The following UNC45B variants were observed in gnomAD, a reference collection of about 807,000 sequenced individuals.
The protein encoded by UNC45B is protein unc-45 homolog B.
Under a neutral mutation model 98.7 loss-of-function variants are expected in UNC45B, and 78 were observed. The observed-to-expected ratio is 0.79, with a 90% CI of 0.66 to 0.95. The LOEUF (loss-of-function observed/expected upper bound fraction) is 0.95. UNC45B is among the 40% of genes least tolerant of loss of function. The pLI, the probability that UNC45B is intolerant of heterozygous loss-of-function variation, is 0.00. For missense variants in UNC45B, 1,225 were observed against 1,184.9 expected (o/e 1.03, Z -0.50); for synonymous variants, 462 against 480.4 (o/e 0.96, Z 0.50).
chr17:35,157,234 T>C (rs994906833), intron 7 of UNC45B, among the ~76,000 whole-genome samples: 5 of 151,898 alleles, frequency 3.3e-5, no homozygotes, highest in Non-Finnish European at 1.5e-5. Flanking sequence ...TTTTTATTTA[T>C]TTATATTTAT....
intron 13 of UNC45B, among the ~76,000 whole-genome samples, chr17:35,172,663 C>T (rs563838806): frequency 6.6e-6 from 1 of 152,280 alleles, no homozygotes; most frequent in Non-Finnish European, 1.5e-5. Flanking sequence ...TTGTCAGCCC[C>T]TTCCCCACCA....
chr17:35,183,901 G>C (rs2092288493), intron 19 of UNC45B, among the ~76,000 whole-genome samples: 1 of 152,196 alleles, frequency 6.6e-6, no homozygotes, highest in Admixed American at 6.5e-5. Flanking sequence ...AGCTTCCCAA[G>C]AGAAGCACGG....
chr17:35,154,424 T>C, intron 5 of UNC45B, 150 bp from the exon 6 acceptor site: 6 of 689,120 alleles, frequency 8.7e-6, no homozygotes, highest in Non-Finnish European at 1.4e-5. Context: ...TCTTGGGCTG[T>C]GTTTCCAGGA....
intron 5 of UNC45B, among the ~76,000 whole-genome samples, chr17:35,154,115 C>T (rs969204742): frequency 2.0e-5 from 3 of 152,138 alleles, no homozygotes; most frequent in Non-Finnish European, 4.4e-5. Context: ...GTTTTTGCTG[C>T]TCACTTCCTG....
intron 8 of UNC45B, among the ~76,000 whole-genome samples, chr17:35,160,706 G>C (rs1334705776): frequency 1.3e-5 from 2 of 152,226 alleles, no homozygotes; most frequent in East Asian, 3.9e-4. Context: ...CCAAAGTGCT[G>C]GAATTACAGG....
intron 18 of UNC45B, among the ~76,000 whole-genome samples, chr17:35,181,857 T>C (rs1174359717): frequency 1.3e-5 from 2 of 150,054 alleles, no homozygotes; most frequent in Non-Finnish European, 3.0e-5. Flanking sequence ...ACCAGGGAAC[T>C]GGCCTAAGGC....
intron 17 of UNC45B, among the ~76,000 whole-genome samples, chr17:35,178,499 T>G (rs1331467734): frequency 6.6e-6 from 1 of 152,230 alleles, no homozygotes; most frequent in Admixed American, 6.5e-5. Context: ...GCCTGTTCAT[T>G]CTGATGATAG....
intron 8 of UNC45B, among the ~76,000 whole-genome samples, chr17:35,163,256 T>C (rs1238400223): frequency 2.6e-5 from 4 of 152,242 alleles, no homozygotes; most frequent in East Asian, 1.9e-4. Context: ...GTTACCCTTC[T>C]ATACTTATCA....
In UNC45B at chr17:35,168,240, C is replaced by A; in HGVS notation, c.1331C>A (p.Ala444Asp). 6.3e-7 allele frequency: 1 copy of A among 1,585,720 alleles called. No individual in the cohort carries two copies. Among genetic ancestry groups the A allele is most frequent in the Non-Finnish European group, 8.6e-7 (1 of 1,165,414 alleles). Residue 444 changes from alanine to aspartate, a missense_variant, in exon 10 of 20, where the codon GCC becomes GAC. By Grantham distance (126) the Ala-to-Asp change is moderately radical. Coordinates refer to ENST00000394570, the MANE Select transcript of UNC45B (RefSeq NM_001267052.2). ...RETDQLVAVEALIHASTKLSR... is the reference protein window; with the variant it reads ...RETDQLVAVEDLIHASTKLSR... The stretch of plus-strand genomic sequence containing the variant: ...ACGGACCAGCTGGTGGCCGTGGAGG[C>A]CCTCATCCATGCCTCCACGAAGCTC...
intron 8 of UNC45B, among the ~76,000 whole-genome samples, chr17:35,163,152 T>G (rs1235352389): frequency 6.6e-6 from 1 of 152,250 alleles, no homozygotes; most frequent in African/African-American, 2.4e-5. Context: ...TAGGATTAGA[T>G]GAAGTGAATG....
chr17:35,155,157 C>G, intron 6 of UNC45B, 139 bp from the exon 7 acceptor site: 1 of 1,023,566 alleles, frequency 9.8e-7, no homozygotes, highest in South Asian at 1.7e-5. Context: ...ACAGAGGGGC[C>G]CATGAGGCAA....
chr17:35,148,774 C>T (rs1306192693), intron 2 of UNC45B, among the ~76,000 whole-genome samples, 199 bp from the exon 3 acceptor site: 1 of 152,142 alleles, frequency 6.6e-6, no homozygotes, highest in Non-Finnish European at 1.5e-5. Flanking sequence ...CAAGTAGTAG[C>T]AGAGCCGAGA....
At chr17:35,164,889 ATT>A (rs570883756) in intron 9 of UNC45B, among the ~76,000 whole-genome samples, 3 of 142,834 alleles carry the variant, frequency 2.1e-5, no homozygotes, top group African/African-American at 7.7e-5. Context: ...TGCTGGGCTA[ATT>A]TTTTTTTTTT....
In UNC45B at chr17:35,180,580, G is replaced by A. The variant is rs1346902672; in HGVS notation, c.2277G>A (p.Arg759=). The change falls in exon 18 of 20, where the codon AGG becomes AGA. Residue 759 remains arginine, a synonymous_variant. Transcript: ENST00000394570. ...DKLRQKIFKE[R]ALPDIENYMF... is the part of the protein sequence containing the mutation. ...CTAGGCAGAAGATCTTTAAGGAGAG[G>A]GCCTTGCCAGACATCGAGAACTACA... is the stretch of plus-strand genomic sequence containing the variant. 2 of 1,613,578 alleles carry A rather than the reference G, an allele frequency of 1.2e-6. No homozygotes were observed. Among genetic ancestry groups the A allele is most frequent in the South Asian group, 1.1e-5 (1 of 91,028 alleles).
At chr17:35,183,624 A>C (rs1289856212) in intron 19 of UNC45B, 42 bp downstream of exon 19, 9 of 1,458,312 alleles carry the variant, frequency 6.2e-6, no homozygotes, top group African/African-American at 2.8e-5. Context: ...GGGTGGCTCC[A>C]GGGAATCTCC....
intron 12 of UNC45B, 152 bp from the exon 13 acceptor site, chr17:35,171,170 C>T (rs999185035): frequency 1.1e-5 from 10 of 927,206 alleles, no homozygotes; most frequent in Non-Finnish European, 1.6e-5. Flanking sequence ...AACCGTTCCT[C>T]TCCTGCGCTG....
intron 18 of UNC45B, among the ~76,000 whole-genome samples, chr17:35,182,497 G>A (rs980599637): frequency 6.6e-6 from 1 of 152,158 alleles, no homozygotes; most frequent in Non-Finnish European, 1.5e-5. Context: ...GGTGAATGGG[G>A]AGACAGACTG....
At chr17:35,151,546 G>A (rs2092019577) in intron 4 of UNC45B, among the ~76,000 whole-genome samples, 1 of 152,142 alleles carries the variant, frequency 6.6e-6, no homozygotes, top group South Asian at 2.1e-4. Flanking sequence ...GAGAAATCCT[G>A]AACCCTAGTC....
In UNC45B at chr17:35,181,328, TC is replaced by T. The variant is rs1369836125; in HGVS notation, c.2373+653del. Among the ~76,000 whole-genome samples the T allele has an allele frequency of 3.9e-5, 6 of 152,310 alleles. No individual in the cohort carries two copies. In the East Asian group the frequency reaches 1.2e-3, roughly 29 times the overall value. ...TGCTGTGACTGTATGTGTAATCTTA[TC>T]AGAGATAACAGCAGGGTCTAAGTTT... On this transcript the variant is annotated intron_variant, in intron 18 of 19. Coordinates refer to ENST00000394570, the MANE Select transcript of UNC45B (RefSeq NM_001267052.2).
Sources: allele counts gnomAD v4.1 joint callset (sites outside exome capture counted in the v4.1 genomes callset), GRCh38; gene constraint gnomAD v4.1.1; transcripts MANE v1.5; gene names NCBI Gene and HGNC (gene_info 2026-07-23, HGNC 2026-07-21).